The following KIRREL3 variants were observed in gnomAD, a reference collection of about 807,000 sequenced individuals.
KIRREL3 encodes the protein kin of IRRE-like protein 3.
Under a neutral mutation model 89.7 loss-of-function variants are expected in KIRREL3, and 36 were observed. The ratio of observed to expected loss-of-function variants is 0.40; its 90% CI spans 0.31 to 0.53. The LOEUF (loss-of-function observed/expected upper bound fraction) is 0.53, where lower values mean the gene tolerates loss of function less well. Ranked by LOEUF, KIRREL3 falls within the 20% of genes least tolerant of loss-of-function variation. The pLI, the probability that KIRREL3 is intolerant of heterozygous loss-of-function variation, is 0.49. For missense variants in KIRREL3, 864 were observed against 1,056.6 expected (o/e 0.82, Z 2.53); for synonymous variants, 445 against 441.4 (o/e 1.01, Z -0.10).
rs548662559 is a variant in KIRREL3 at position 126,740,753 on chromosome 11, T to C, written c.56-177841A>G. Among the ~76,000 whole-genome samples, 21 of 152,312 alleles carry C rather than the reference T, an allele frequency of 1.4e-4. No individual in the cohort carries two copies. In the East Asian group the frequency reaches 4.1e-3, roughly 29 times the overall value. Reference sequence around the variant, plus strand: ...AAAAATGGCCTGAAAGATAAATTTGTATTTTTGCATTGCTGGGCTAAAATA... The same window carrying C: ...AAAAATGGCCTGAAAGATAAATTTGCATTTTTGCATTGCTGGGCTAAAATA... On this transcript the variant is annotated intron_variant, in intron 1 of 16. Transcript: ENST00000525144. The surrounding 1 kb of genome is among the most constrained non-coding windows in gnomAD (Gnocchi z 6.0).
rs761631849 is a variant in KIRREL3 at position 126,837,147 on chromosome 11, T to C, written c.55+163308A>G. On this transcript the variant is annotated intron_variant, in intron 1 of 16. Coordinates refer to ENST00000525144, the MANE Select transcript of KIRREL3 (RefSeq NM_032531.4). The surrounding 1 kb of genome is among the most constrained non-coding windows in gnomAD (Gnocchi z 4.7). ...AGCCAGTTGGGTTCAAATCCAAGCT[T>C]GGTCTTTAACAAGTGTGTGGCCTTG... 6.6e-6 allele frequency among the ~76,000 whole-genome samples: 1 copy of C among 152,170 alleles called. No homozygotes were observed. Among genetic ancestry groups the C allele is most frequent in the Non-Finnish European group, 1.5e-5 (1 of 68,028 alleles).
rs1277578825 is a variant in KIRREL3, at chr11:126,683,981, G to C, written c.56-121069C>G. Among the ~76,000 whole-genome samples the C allele has an allele frequency of 6.6e-6, 1 of 152,216 alleles. No homozygotes were observed. The highest frequency in any genetic ancestry group is 1.5e-5 in the Non-Finnish European group (1 of 68,030). On this transcript the variant is annotated intron_variant, in intron 1 of 16. Transcript: ENST00000525144. This position sits in a 1 kb window ranked among gnomAD's most constrained non-coding sequence, Gnocchi z 5.2. The stretch of plus-strand genomic sequence containing the variant: ...TCCCTTACAGGGTGGTGGGACCCAG[G>C]GCCCAGGGTTTGGCTCCGGGTTTTT...
At chr11:126,473,288 C>G in intron 5 of KIRREL3, 21 bp downstream of exon 5, 1 of 1,257,164 alleles carries the variant, frequency 8.0e-7, no homozygotes, top group South Asian at 1.6e-5. Flanking sequence ...CCACACCCAC[C>G]CCCTCCCCTC....
Position 126,769,307 on chromosome 11 carries a change from C to A in KIRREL3, c.56-206395G>T, listed in dbSNP as rs1353037519. 3.3e-5 allele frequency among the ~76,000 whole-genome samples: 5 copies of A among 152,072 alleles called. No individual in the cohort carries two copies. The highest frequency in any genetic ancestry group is 1.9e-4 in the East Asian group (1 of 5,180). On this transcript the variant is annotated intron_variant, in intron 1 of 16. Coordinates refer to ENST00000525144, the MANE Select transcript of KIRREL3 (RefSeq NM_032531.4). This position sits in a 1 kb window ranked among gnomAD's most constrained non-coding sequence, Gnocchi z 4.3. ...GGGGCTTAATAGATTTGATAAGGGCCGGTAGTCAGGGTAGGCTCTGTGGAA... is the reference window on the plus strand; with the variant it reads ...GGGGCTTAATAGATTTGATAAGGGCAGGTAGTCAGGGTAGGCTCTGTGGAA...
rs1944042195 is a variant in KIRREL3 at position 126,843,788 on chromosome 11, A to G, written c.55+156667T>C. ...CTGGCTAAAACCCACCAAAATCAAG[A>G]TGGCAACAAGAATGACCTCTGGTCA... On this transcript the variant is annotated intron_variant, in intron 1 of 16. Coordinates refer to ENST00000525144, the MANE Select transcript of KIRREL3 (RefSeq NM_032531.4). This position sits in a 1 kb window ranked among gnomAD's most constrained non-coding sequence, Gnocchi z 4.6. Among the ~76,000 whole-genome samples, 1 of 152,124 alleles carries G rather than the reference A, an allele frequency of 6.6e-6. No individual in the cohort carries two copies. Among genetic ancestry groups the G allele is most frequent in the Middle Eastern group, 3.2e-3 (1 of 316 alleles).
rs186253875 is a variant in KIRREL3, at chr11:126,661,616, A to G, written c.56-98704T>C. Reference sequence around the variant, plus strand: ...AAAGCAGAGGACATAAACTGTGAAGATTTCCAGGATGGATTTCTGAGGACA... The same window carrying G: ...AAAGCAGAGGACATAAACTGTGAAGGTTTCCAGGATGGATTTCTGAGGACA... On this transcript the variant is annotated intron_variant, in intron 1 of 16. Coordinates refer to ENST00000525144, the MANE Select transcript of KIRREL3 (RefSeq NM_032531.4). Among the ~76,000 whole-genome samples the G allele has an allele frequency of 2.3e-3, 356 of 152,274 alleles. 1 individual carries two copies. The highest frequency in any genetic ancestry group is 3.6e-3 in the Non-Finnish European group (248 of 68,028).
At chr11:126,916,806 C>T (rs951121257) in intron 1 of KIRREL3, among the ~76,000 whole-genome samples, 7 of 152,214 alleles carry the variant, frequency 4.6e-5, no homozygotes, top group Non-Finnish European at 8.8e-5. Flanking sequence ...AAACTTCTCA[C>T]ATATGCACCT....
rs1044498578 is a variant in KIRREL3, at chr11:126,424,049, C to T, written c.*531G>A. The stretch of plus-strand genomic sequence containing the variant: ...CTCCTTTAGCCAAGGCCATTTCTGG[C>T]TTGTCAGCCTCCAGGGTATGGGCTA... On this transcript the variant is annotated 3_prime_UTR_variant, in exon 17 of 17. Coordinates refer to ENST00000525144, the MANE Select transcript of KIRREL3 (RefSeq NM_032531.4). 1.9e-5 allele frequency: 3 copies of T among 159,354 alleles called. No homozygotes were observed. Among genetic ancestry groups the T allele is most frequent in the Admixed American group, 1.2e-4 (2 of 16,932 alleles). The allele number at this position is 159,354 out of a possible 1,614,324, so 9.9% of individuals were successfully genotyped here. A position where few individuals can be genotyped will look rare whatever the true frequency, so the allele number is the denominator to read the frequency against.
rs1948696437 is a variant in KIRREL3 at position 126,948,890 on chromosome 11, T to A, written c.55+51565A>T. 6.6e-6 allele frequency among the ~76,000 whole-genome samples: 1 copy of A among 152,132 alleles called. No individual in the cohort carries two copies. Among genetic ancestry groups the A allele is most frequent in the African/African-American group, 2.4e-5 (1 of 41,420 alleles). On this transcript the variant is annotated intron_variant, in intron 1 of 16. Coordinates refer to ENST00000525144, the MANE Select transcript of KIRREL3 (RefSeq NM_032531.4). This position sits in a 1 kb window ranked among gnomAD's most constrained non-coding sequence, Gnocchi z 4.5. ...CCCCAACCCTACAGCCTCCAAAACA[T>A]AATCCCATATACATATACCATATAA... is the stretch of plus-strand genomic sequence containing the variant.
At chr11:126,681,347 T>C (rs1946443774) in intron 1 of KIRREL3, among the ~76,000 whole-genome samples, 1 of 152,238 alleles carries the variant, frequency 6.6e-6, no homozygotes, top group African/African-American at 2.4e-5. Flanking sequence ...ATGATTGATG[T>C]GCAGGAGACA....
intron 1 of KIRREL3, among the ~76,000 whole-genome samples, chr11:126,919,197 T>G (rs909169881): frequency 6.6e-6 from 1 of 152,122 alleles, no homozygotes; most frequent in African/African-American, 2.4e-5. Flanking sequence ...GACTTCTCAG[T>G]GTGGATGCTC....
rs918015626 is a variant in KIRREL3 at position 126,564,257 on chromosome 11, C to T, written c.56-1345G>A. ...TCTAGGCTCAAGAGGATAGACGGAG[C>T]GGGTCATTCCTCTTTCTCCTCTTCC... On this transcript the variant is annotated intron_variant, in intron 1 of 16. Transcript: ENST00000525144. The surrounding 1 kb of genome is among the most constrained non-coding windows in gnomAD (Gnocchi z 7.4). Among the ~76,000 whole-genome samples, 10 of 152,178 alleles carry T rather than the reference C, an allele frequency of 6.6e-5. No homozygotes were observed. The highest frequency in any genetic ancestry group is 2.4e-4 in the African/African-American group (10 of 41,452).
At chr11:126,631,868 C>G (rs546311728) in intron 1 of KIRREL3, among the ~76,000 whole-genome samples, 1 of 152,324 alleles carries the variant, frequency 6.6e-6, no homozygotes, top group East Asian at 1.9e-4. Context: ...GCCTAGATAC[C>G]TGACTCCTGG....
At position 126,521,373 on chromosome 11, in the gene KIRREL3, G is replaced by C; in HGVS notation, c.375C>G (p.Tyr125Ter). The change falls in exon 4 of 17, where the codon TAC becomes TAG. Residue 125 changes from tyrosine (Y) to a stop codon, truncating the protein, a stop_gained. Coordinates refer to ENST00000525144, the MANE Select transcript of KIRREL3 (RefSeq NM_032531.4). LOFTEE classifies it high-confidence loss of function. The surrounding 1 kb of genome is among the most constrained non-coding windows in gnomAD (Gnocchi z 4.1). ...LRAELQDDAV[Y>*]ECQAIQAAIR... ...TGGCGGCCTGGATGGCCTGGCACTC[G>C]TACACCGCATCGTCTTGCAGCTCTG... is the stretch of plus-strand genomic sequence containing the variant. 6.4e-7 allele frequency: 1 copy of C among 1,559,440 alleles called. No homozygotes were observed. The highest frequency in any genetic ancestry group is 8.7e-7 in the Non-Finnish European group (1 of 1,151,760).
chr11:126,437,373 GCACA>G (rs961724186), intron 11 of KIRREL3, among the ~76,000 whole-genome samples: 1 of 148,488 alleles, frequency 6.7e-6, no homozygotes, highest in African/African-American at 2.5e-5. Context: ...ACACAGCTCT[GCACA>G]CACACAAGTG....
chr11:126,707,634 G>T (rs1175892746), intron 1 of KIRREL3, among the ~76,000 whole-genome samples: 1 of 152,106 alleles, frequency 6.6e-6, no homozygotes, highest in Non-Finnish European at 1.5e-5. Context: ...TTGGAGCCAG[G>T]GGCTAAAGTA....
At position 126,905,003 on chromosome 11, in the gene KIRREL3, T is replaced by C. The variant is rs2134864894; in HGVS notation, c.55+95452A>G. Among the ~76,000 whole-genome samples the C allele has an allele frequency of 6.6e-6, 1 of 152,240 alleles. No individual in the cohort carries two copies. The highest frequency in any genetic ancestry group is 2.1e-4 in the South Asian group (1 of 4,820). On this transcript the variant is annotated intron_variant, in intron 1 of 16. Transcript: ENST00000525144. This position sits in a 1 kb window ranked among gnomAD's most constrained non-coding sequence, Gnocchi z 5.0. ...GTAAAAAAATTCATCTTCAGATGGGTATTTGTGGCAATGCTTCAGAGGGGA... is the reference window on the plus strand; with the variant it reads ...GTAAAAAAATTCATCTTCAGATGGGCATTTGTGGCAATGCTTCAGAGGGGA...
rs558695032 is a variant in KIRREL3 at position 126,513,867 on chromosome 11, C to T, written c.433+7448G>A. Among the ~76,000 whole-genome samples, 1 of 152,164 alleles carries T rather than the reference C, an allele frequency of 6.6e-6. No homozygotes were observed. The highest frequency in any genetic ancestry group is 1.5e-5 in the Non-Finnish European group (1 of 68,040). ...TCAGCGTGGCATTATGGCATTGAAC[C>T]CACAGGGTGGACCTCAGGGAGCTAT... On this transcript the variant is annotated intron_variant, in intron 4 of 16. Coordinates refer to ENST00000525144, the MANE Select transcript of KIRREL3 (RefSeq NM_032531.4). This position sits in a 1 kb window ranked among gnomAD's most constrained non-coding sequence, Gnocchi z 5.9.
At chr11:126,580,476 T>G (rs1941485433) in intron 1 of KIRREL3, among the ~76,000 whole-genome samples, 1 of 151,296 alleles carries the variant, frequency 6.6e-6, no homozygotes, top group African/African-American at 2.4e-5. Flanking sequence ...GGCAAGGGGG[T>G]CCCTGAGTGG....
Sources: gnomAD v4.1 joint callset for allele counts (sites outside exome capture counted in the v4.1 genomes callset) on GRCh38, gnomAD v4.1.1 for gene constraint, Gnocchi (gnomAD v3.1) non-coding constraint, MANE v1.5 for transcripts, NCBI Gene and HGNC (gene_info 2026-07-23, HGNC 2026-07-21) for gene names.